The following TOX3 variants were observed in gnomAD, a reference collection of about 807,000 sequenced individuals.
TOX3 encodes CAG trinucleotide repeat-containing gene F9 protein.
TOX3 carries 22 observed loss-of-function variants against 64.3 expected under a neutral mutation model. The ratio of observed to expected loss-of-function variants is 0.34; its 90% confidence interval spans 0.24 to 0.49. The LOEUF is 0.49. Among genes scored for constraint, TOX3 ranks in the 20% least tolerant of loss-of-function variants. The pLI, the probability that TOX3 is intolerant of heterozygous loss-of-function variation, is 0.99. For synonymous variants in TOX3, 291 were observed against 273.6 expected, an observed-to-expected ratio of 1.06 and a Z score of -0.63; for missense variants, 661 against 714.4, an observed-to-expected ratio of 0.93 and a Z score of 0.85.
At chr16:52,442,080 T>C (rs1254435458) in intron 6 of TOX3, among the ~76,000 whole-genome samples, 5 of 152,228 alleles carry the variant, frequency 3.3e-5, no homozygotes, top group African/African-American at 1.2e-4. Flanking sequence ...GGCAGCTCAG[T>C]TGCACTATTG....
At chr16:52,544,837 T>C (rs568334878) in intron 1 of TOX3, among the ~76,000 whole-genome samples, 11 of 152,200 alleles carry the variant, frequency 7.2e-5, no homozygotes, top group South Asian at 2.1e-4. Flanking sequence ...TGAACAGAGA[T>C]TTGCCACGCA....
chr16:52,493,286 C>T (rs1961747357), intron 1 of TOX3, among the ~76,000 whole-genome samples: 3 of 152,160 alleles, frequency 2.0e-5, no homozygotes, highest in African/African-American at 7.2e-5. Context: ...TGCATAGCCA[C>T]ACCTACACAC....
chr16:52,465,732 CA>C (rs1381726504), intron 2 of TOX3, among the ~76,000 whole-genome samples: 1 of 151,870 alleles, frequency 6.6e-6, no homozygotes, highest in Non-Finnish European at 1.5e-5. Flanking sequence ...AAAAAAGCAA[CA>C]AAAAACATTT....
chr16:52,441,733 A>G (rs1959995674), intron 6 of TOX3, among the ~76,000 whole-genome samples: 1 of 152,198 alleles, frequency 6.6e-6, no homozygotes, highest in African/African-American at 2.4e-5. Flanking sequence ...ACTGAGATGT[A>G]ACCTCATATA....
In TOX3 at chr16:52,448,351, G is replaced by T. The variant is rs562191648; in HGVS notation, c.678+1926C>A. 5.9e-5 allele frequency among the ~76,000 whole-genome samples: 9 copies of T among 152,274 alleles called. No homozygotes were observed. In the South Asian group the frequency reaches 1.9e-3, roughly 32 times the overall value. On this transcript the variant is annotated intron_variant, in intron 4 of 6. Transcript: ENST00000219746. ...CCATAAGAGGTCCTCTTTAAGACAT[G>T]ACAATTTCAGTATGGTACAGTGGCA... is the stretch of plus-strand genomic sequence containing the variant.
rs1443377354 is a variant in TOX3 at position 52,485,380 on chromosome 16, G to C, written c.88-16806C>G. Among the ~76,000 whole-genome samples, 10 of 151,568 alleles carry C rather than the reference G, an allele frequency of 6.6e-5. No homozygotes were observed. In the East Asian group the frequency reaches 1.8e-3, roughly 27 times the overall value. On this transcript the variant is annotated intron_variant, in intron 1 of 6. Coordinates refer to ENST00000219746, the MANE Select transcript of TOX3 (RefSeq NM_001080430.4). The stretch of plus-strand genomic sequence containing the variant: ...CATTATCCTAAGTAAACTTAACTCA[G>C]AAACAGAAAACCAAATACCACATAT...
chr16:52,485,236 A>ATG lies in TOX3; in HGVS notation c.88-16664_88-16663dup, dbSNP rs1280127633. ...TGTGTATATACATGTGTGTGTGTGTATGTGTGTGTGTATATATATATATAT... is the reference window on the plus strand; with the variant it reads ...TGTGTATATACATGTGTGTGTGTGTATGTGTGTGTGTGTATATATATATATAT... On this transcript the variant is annotated intron_variant, in intron 1 of 6. Coordinates refer to ENST00000219746, the MANE Select transcript of TOX3 (RefSeq NM_001080430.4). Among the ~76,000 whole-genome samples, 377 of 112,936 alleles carry ATG rather than the reference A, an allele frequency of 3.3e-3. 1 individual carries two copies. The highest frequency in any genetic ancestry group is 0.012 in the African/African-American group (310 of 25,646). 74.1% of individuals were successfully genotyped at this position (112,936 alleles called of 152,430 possible). A position where few individuals can be genotyped will look rare whatever the true frequency, so the allele number is the denominator to read the frequency against.
At chr16:52,479,180 A>T (rs1961300184) in intron 1 of TOX3, among the ~76,000 whole-genome samples, 2 of 152,160 alleles carry the variant, frequency 1.3e-5, no homozygotes, top group South Asian at 4.1e-4. Flanking sequence ...GTCTTGAAGG[A>T]TGTGTAGGAT....
At chr16:52,478,557 C>T (rs995486366) in intron 1 of TOX3, among the ~76,000 whole-genome samples, 10 of 152,286 alleles carry the variant, frequency 6.6e-5, no homozygotes, top group Middle Eastern at 3.4e-3. Context: ...TATTTCTCTC[C>T]GTTCTAGAAT....
At chr16:52,481,968 C>T (rs577059741) in intron 1 of TOX3, among the ~76,000 whole-genome samples, 2 of 152,266 alleles carry the variant, frequency 1.3e-5, no homozygotes, top group East Asian at 3.9e-4. Context: ...AATCACATTC[C>T]TCCCAACCAA....
chr16:52,441,020 C>A (rs1959965521), intron 6 of TOX3, among the ~76,000 whole-genome samples: 1 of 151,954 alleles, frequency 6.6e-6, no homozygotes, highest in South Asian at 2.1e-4. Flanking sequence ...CCTCGGCCTC[C>A]CAAAGTGCTG....
In TOX3 at chr16:52,546,525, T is replaced by C. The variant is rs1050131825; in HGVS notation, c.87+112A>G. 502 of 925,476 alleles carry C rather than the reference T, an allele frequency of 5.4e-4. 2 individuals carry two copies. Among genetic ancestry groups the C allele is most frequent in the Non-Finnish European group, 3.2e-4 (202 of 631,540 alleles). The allele number at this position is 925,476 out of a possible 1,614,324, so 57.3% of individuals were successfully genotyped here. ...CGAAGGCTCAAAGGTAGAAGAGACATGGGAGGAAAGAGGCCAAAGAAAAGT... is the reference window on the plus strand; with the variant it reads ...CGAAGGCTCAAAGGTAGAAGAGACACGGGAGGAAAGAGGCCAAAGAAAAGT... On this transcript the variant is annotated intron_variant, in intron 1 of 6. Coordinates refer to ENST00000219746, the MANE Select transcript of TOX3 (RefSeq NM_001080430.4).
chr16:52,480,399 AT>A (rs1961337842), intron 1 of TOX3, among the ~76,000 whole-genome samples: 1 of 152,080 alleles, frequency 6.6e-6, no homozygotes, highest in Non-Finnish European at 1.5e-5. Context: ...CTGCAATCCA[AT>A]GAAGGACCTT....
intron 1 of TOX3, among the ~76,000 whole-genome samples, chr16:52,470,225 A>G (rs994900497): frequency 3.9e-5 from 6 of 152,234 alleles, no homozygotes; most frequent in Non-Finnish European, 8.8e-5. Context: ...TTTTTGATGA[A>G]TGAATGATGC....
At chr16:52,484,687 G>A (rs1262157568) in intron 1 of TOX3, among the ~76,000 whole-genome samples, 1 of 152,088 alleles carries the variant, frequency 6.6e-6, no homozygotes, top group East Asian at 1.9e-4. Context: ...CTAGCCCAGT[G>A]CAGAGAAATA....
At chr16:52,535,795 C>A (rs1025731137) in intron 1 of TOX3, among the ~76,000 whole-genome samples, 6 of 152,182 alleles carry the variant, frequency 3.9e-5, no homozygotes, top group Admixed American at 2.0e-4. Flanking sequence ...TAGGCAAAAT[C>A]CACCACCAAG....
At chr16:52,516,358 A>T (rs1036474589) in intron 1 of TOX3, among the ~76,000 whole-genome samples, 2 of 152,202 alleles carry the variant, frequency 1.3e-5, no homozygotes, top group Non-Finnish European at 2.9e-5. Flanking sequence ...AAAACTTTTA[A>T]TTGCAAGAGA....
At chr16:52,478,890 A>G (rs542684368) in intron 1 of TOX3, among the ~76,000 whole-genome samples, 2 of 152,342 alleles carry the variant, frequency 1.3e-5, no homozygotes, top group East Asian at 3.9e-4. Flanking sequence ...CAGAGTTGGA[A>G]GTGAGAAGCC....
Position 52,490,626 on chromosome 16 carries a change from A to ATTT in TOX3, c.88-22055_88-22053dup, listed in dbSNP as rs3086679. ...ACTGAGACCTTCCTTCTAGGATGTA[A>ATTT]TTTTTTTTTTTTTTTTTTTTTAATA... On this transcript the variant is annotated intron_variant, in intron 1 of 6. Transcript: ENST00000219746. Among the ~76,000 whole-genome samples the ATTT allele has an allele frequency of 3.3e-3, 330 of 99,052 alleles. 17 individuals carry two copies. The highest frequency in any genetic ancestry group is 0.013 in the African/African-American group (309 of 23,064). The allele number at this position is 99,052 out of a possible 152,430, so 65.0% of individuals were successfully genotyped here. A position where few individuals can be genotyped will look rare whatever the true frequency, so the allele number is the denominator to read the frequency against.
Sources: allele counts gnomAD v4.1 joint callset (sites outside exome capture counted in the v4.1 genomes callset), GRCh38; gene constraint gnomAD v4.1.1; transcripts MANE v1.5; gene names NCBI Gene and HGNC (gene_info 2026-07-23, HGNC 2026-07-21).